Variants in ANKRD16 observed in about 807,000 individuals in gnomAD.
ANKRD16 encodes ankyrin repeat domain-containing protein 16.
Under a neutral mutation model 37.9 loss-of-function variants are expected in ANKRD16, and 35 were observed. That is an observed-to-expected ratio of 0.92 (90% CI 0.71 to 1.23). The LOEUF (loss-of-function observed/expected upper bound fraction) is 1.23, where lower values mean the gene tolerates loss of function less well. Among genes scored for constraint, ANKRD16 ranks in the 50% most tolerant of loss-of-function variants. The probability of loss-of-function intolerance (pLI) is 0.00; values close to 1 mark genes in which losing one functional copy is unlikely to be tolerated. For missense variants in ANKRD16, 480 were observed against 469.9 expected (o/e 1.02, Z -0.20); for synonymous variants, 206 against 197.2 (o/e 1.04, Z -0.37).
At chr10:5,880,080 G>A (rs938310780) in intron 6 of ANKRD16, among the ~76,000 whole-genome samples, 4 of 147,604 alleles carry the variant, frequency 2.7e-5, no homozygotes, top group African/African-American at 1.0e-4. Context: ...AATCACTTGA[G>A]CCAGGAGGTG....
intron 7 of ANKRD16, among the ~76,000 whole-genome samples, chr10:5,872,794 G>C (rs75479759): frequency 6.6e-6 from 1 of 151,776 alleles, no homozygotes; most frequent in African/African-American, 2.4e-5. Context: ...CTGACCTCGT[G>C]ATCTGCCCCC....
In ANKRD16 at chr10:5,884,160, T is replaced by C. The variant is rs569792609; in HGVS notation, c.579-83A>G. 1.6e-5 allele frequency: 16 copies of C among 1,006,970 alleles called. No individual in the cohort carries two copies. The South Asian group carries it at 1.9e-4, about 12-fold the overall frequency. 62.4% of individuals were successfully genotyped at this position (1,006,970 alleles called of 1,614,324 possible). On this transcript the variant is annotated intron_variant, in intron 3 of 7. Transcript: ENST00000380094. ...CAGTTGACACCTGATCACCTGCAGG[T>C]GAACTGCGTGTGTGCAAATGACCTG...
rs1016106404 is a variant in ANKRD16 at position 5,874,970 on chromosome 10, G to A, written c.*33+3127C>T. 6.6e-6 allele frequency among the ~76,000 whole-genome samples: 1 copy of A among 152,288 alleles called. No homozygotes were observed. The highest frequency in any genetic ancestry group is 1.9e-4 in the East Asian group (1 of 5,182). On this transcript the variant is annotated intron_variant, in intron 7 of 7. Coordinates refer to ENST00000380094, the MANE Select transcript of ANKRD16 (RefSeq NM_019046.3). The surrounding 1 kb of genome is among the most constrained non-coding windows in gnomAD (Gnocchi z 4.7). The stretch of plus-strand genomic sequence containing the variant: ...CATTATTGCATGTGGCAACAGTCCA[G>A]AAGGGGTAGTGATCAGTAAGTGAAC...
At chr10:5,867,512 C>A in intron 7 of ANKRD16, among the ~76,000 whole-genome samples, 1 of 152,154 alleles carries the variant, frequency 6.6e-6, no homozygotes, top group East Asian at 1.9e-4. Flanking sequence ...ATGGACTGAA[C>A]GAGGTTTTAT....
chr10:5,889,249 C>A lies in ANKRD16; in HGVS notation c.106G>T (p.Ala36Ser). ...LQAAGGCPGP[A>S]GDTLLHCAAR... is the part of the protein sequence containing the mutation. ...GCGCAGTGCAGGAGGGTATCCCCGG[C>A]CGGCCCCGGGCAGCCCCCGGCCGCC... Residue 36 changes from alanine (A) to serine (S), a missense_variant, in exon 1 of 8, where the codon GCC becomes TCC. Transcript: ENST00000380094. 6.5e-7 allele frequency: 1 copy of A among 1,527,122 alleles called. No individual in the cohort carries two copies. Among genetic ancestry groups the A allele is most frequent in the Non-Finnish European group, 8.7e-7 (1 of 1,146,262 alleles). 94.6% of individuals were successfully genotyped at this position (1,527,122 alleles called of 1,614,324 possible). A position where few individuals can be genotyped will look rare whatever the true frequency, so the allele number is the denominator to read the frequency against.
chr10:5,889,394 C>T lies in ANKRD16; in HGVS notation c.-40G>A. 1 of 1,172,732 alleles carries T rather than the reference C, an allele frequency of 8.5e-7. No individual in the cohort carries two copies. The highest frequency in any genetic ancestry group is 1.1e-6 in the Non-Finnish European group (1 of 950,670). The allele number at this position is 1,172,732 out of a possible 1,614,324, so 72.6% of individuals were successfully genotyped here. ...CCGGGCTGCGCGGGGAGGCGGCGGG[C>T]GGGACACCGGCGGCCGGGCAGGGAG... On this transcript the variant is annotated 5_prime_UTR_variant, in exon 1 of 8. Transcript: ENST00000380094.
chr10:5,869,389 G>A lies in ANKRD16; in HGVS notation c.*34-6698C>T, dbSNP rs989570628. Among the ~76,000 whole-genome samples, 22 of 152,132 alleles carry A rather than the reference G, an allele frequency of 1.4e-4. No individual in the cohort carries two copies. Among genetic ancestry groups the A allele is most frequent in the African/African-American group, 4.6e-4 (19 of 41,424 alleles). On this transcript the variant is annotated intron_variant, in intron 7 of 7. Coordinates refer to ENST00000380094, the MANE Select transcript of ANKRD16 (RefSeq NM_019046.3). The surrounding 1 kb of genome is among the most constrained non-coding windows in gnomAD (Gnocchi z 4.0). ...CCTAGAGTCCACCCTGGACCTACAG[G>A]CCCAGCTCTCTGGGGCTGCCCAGCC... is the stretch of plus-strand genomic sequence containing the variant.
rs767754511 is a variant in ANKRD16, at chr10:5,887,892, A to C, written c.490T>G (p.Trp164Gly). 1 of 1,614,178 alleles carries C rather than the reference A, an allele frequency of 6.2e-7. No individual in the cohort carries two copies. Among genetic ancestry groups the C allele is most frequent in the South Asian group, 1.1e-5 (1 of 91,068 alleles). ...QYLLTVCPGA[W>G]KTESKIRRTP... The stretch of plus-strand genomic sequence containing the variant: ...CTTCTAATTTTGCTCTCTGTCTTCC[A>C]GGCACCTGGGCAAACAGTGAGCAGG... The change falls in exon 2 of 8, where the codon TGG becomes GGG. Residue 164 changes from tryptophan (W) to glycine (G), a missense_variant. Transcript: ENST00000380094.
At chr10:5,887,701 T>TCC in intron 2 of ANKRD16, 146 bp downstream of exon 2, 1 of 83,872 alleles carries the variant, frequency 1.2e-5, no homozygotes. Context: ...CCCCACCCCC[T>TCC]CCCCCCCAGA....
chr10:5,865,780 G>A lies in ANKRD16; in HGVS notation c.*34-3089C>T, dbSNP rs145806316. Among the ~76,000 whole-genome samples the A allele has an allele frequency of 8.0e-3, 1,218 of 152,252 alleles. 7 individuals carry two copies. Among genetic ancestry groups the A allele is most frequent in the African/African-American group, 0.026 (1,098 of 41,520 alleles). On this transcript the variant is annotated intron_variant, in intron 7 of 7. Transcript: ENST00000380094. The surrounding 1 kb of genome is among the most constrained non-coding windows in gnomAD (Gnocchi z 4.7). Reference sequence around the variant, plus strand: ...ATGGGGAACGAGTTACTGATTTGTTGTCCCCTGCTTGAGGAGGGAATCAAC... The same window carrying A: ...ATGGGGAACGAGTTACTGATTTGTTATCCCCTGCTTGAGGAGGGAATCAAC...
chr10:5,871,444 T>A lies in ANKRD16; in HGVS notation c.*33+6653A>T, dbSNP rs980212201. 6.6e-6 allele frequency among the ~76,000 whole-genome samples: 1 copy of A among 152,100 alleles called. No individual in the cohort carries two copies. The highest frequency in any genetic ancestry group is 1.5e-5 in the Non-Finnish European group (1 of 68,022). On this transcript the variant is annotated intron_variant, in intron 7 of 7. Transcript: ENST00000380094. The surrounding 1 kb of genome is among the most constrained non-coding windows in gnomAD (Gnocchi z 4.5). ...AAATAAATATCACACCACATCACTC[T>A]TTCCAACTGAAAGAGTGTAATTTAA...
rs1841973452 is a variant in ANKRD16, at chr10:5,863,686, T to G, written c.*34-995A>C. On this transcript the variant is annotated intron_variant, in intron 7 of 7. Transcript: ENST00000380094. The surrounding 1 kb of genome is among the most constrained non-coding windows in gnomAD (Gnocchi z 4.7). The stretch of plus-strand genomic sequence containing the variant: ...ATAAATCTTGCTGCTGCTCATTCTT[T>G]GGGTCCACACCAACTTTAAGAGCCA... Among the ~76,000 whole-genome samples the G allele has an allele frequency of 6.6e-6, 1 of 152,074 alleles. No homozygotes were observed. The highest frequency in any genetic ancestry group is 1.5e-5 in the Non-Finnish European group (1 of 68,030).
In ANKRD16 at chr10:5,880,333, G is replaced by T. The variant is rs1450711655; in HGVS notation, c.893C>A (p.Ala298Asp). 2 of 1,603,364 alleles carry T rather than the reference G, an allele frequency of 1.2e-6. No individual in the cohort carries two copies. The highest frequency in any genetic ancestry group is 2.2e-5 in the East Asian group (1 of 44,518). ...TTTTTCATCTTTAGAATTGATGTCA[G>T]CTCCCAAGGATAAGAGAGTCTGAAT... ...STIQTLLSLGADINSKDEKNR... is the reference protein window; with the variant it reads ...STIQTLLSLGDDINSKDEKNR... Residue 298 changes from alanine (A) to aspartate (D), a missense_variant, in exon 6 of 8, where the codon GCT becomes GAT. Transcript: ENST00000380094.
rs1187455695 is a variant in ANKRD16 at position 5,864,562 on chromosome 10, C to T, written c.*34-1871G>A. 6.6e-6 allele frequency among the ~76,000 whole-genome samples: 1 copy of T among 152,116 alleles called. No homozygotes were observed. Among genetic ancestry groups the T allele is most frequent in the East Asian group, 1.9e-4 (1 of 5,196 alleles). ...GATGTCATGCTATTGCTAGATCACA[C>T]CCTGGCCTTTAATGAAAAGAATGCG... On this transcript the variant is annotated intron_variant, in intron 7 of 7. Coordinates refer to ENST00000380094, the MANE Select transcript of ANKRD16 (RefSeq NM_019046.3). The surrounding 1 kb of genome is among the most constrained non-coding windows in gnomAD (Gnocchi z 4.4).
intron 7 of ANKRD16, among the ~76,000 whole-genome samples, chr10:5,877,885 A>C (rs576004809): frequency 8.5e-5 from 13 of 152,336 alleles, no homozygotes; most frequent in African/African-American, 3.1e-4. Flanking sequence ...CAAAGAGTGA[A>C]ATATGGACTA....
intron 3 of ANKRD16, among the ~76,000 whole-genome samples, chr10:5,885,337 C>A (rs188689933): frequency 1.3e-5 from 2 of 152,030 alleles, no homozygotes; most frequent in South Asian, 2.1e-4. Flanking sequence ...CCCGCCACCA[C>A]GCCCGGCTAA....
chr10:5,889,017 G>C, intron 1 of ANKRD16, 24 bp downstream of exon 1: 1 of 1,492,948 alleles, frequency 6.7e-7, no homozygotes, highest in Non-Finnish European at 8.9e-7. Context: ...GGGGAGGCGG[G>C]GTGTCTTTCC....
chr10:5,876,692 T>A (rs687191), intron 7 of ANKRD16, among the ~76,000 whole-genome samples: 125,442 of 151,912 alleles, frequency 0.83, 52,190 homozygotes, highest in Admixed American at 0.87. Context: ...AACGGGAAAT[T>A]CTTGCTCTGT....
rs1290679698 is a variant in ANKRD16 at position 5,871,138 on chromosome 10, G to T, written c.*33+6959C>A. On this transcript the variant is annotated intron_variant, in intron 7 of 7. Coordinates refer to ENST00000380094, the MANE Select transcript of ANKRD16 (RefSeq NM_019046.3). The surrounding 1 kb of genome is among the most constrained non-coding windows in gnomAD (Gnocchi z 4.5). ...TTGGTGGTTCACGCCTGTAATCCCA[G>T]CACTTTGGGAGGCCAAGGTGGGCGG... 2.0e-5 allele frequency among the ~76,000 whole-genome samples: 3 copies of T among 152,142 alleles called. No individual in the cohort carries two copies. The highest frequency in any genetic ancestry group is 7.2e-5 in the African/African-American group (3 of 41,420).
Sources: allele counts gnomAD v4.1 joint callset (sites outside exome capture counted in the v4.1 genomes callset), GRCh38; gene constraint gnomAD v4.1.1; non-coding constraint Gnocchi (gnomAD v3.1); transcripts MANE v1.5; gene names NCBI Gene and HGNC (gene_info 2026-07-23, HGNC 2026-07-21).